Variants in AFP observed in about 807,000 individuals in gnomAD.
AFP encodes the protein alpha-fetoprotein.
Under a neutral mutation model 78.9 loss-of-function variants are expected in AFP, and 64 were observed. The ratio of observed to expected loss-of-function variants is 0.81; its 90% CI spans 0.66 to 1.00. The LOEUF (loss-of-function observed/expected upper bound fraction) is 1.00, where lower values mean the gene tolerates loss of function less well. Ranked by LOEUF, AFP falls within the 50% of genes least tolerant of loss-of-function variation. The pLI is 0.00. For missense variants in AFP, 689 were observed against 703.8 expected, an observed-to-expected ratio of 0.98 and a Z score of 0.24; for synonymous variants, 254 against 243.8, an observed-to-expected ratio of 1.04 and a Z score of -0.39.
chr4:73,450,351 A>G (rs1034012596), intron 10 of AFP, among the ~76,000 whole-genome samples: 1 of 152,146 alleles, frequency 6.6e-6, no homozygotes, highest in African/African-American at 2.4e-5. Context: ...AGTTAAAATC[A>G]ATGAAGCTCC....
intron 10 of AFP, 177 bp from the exon 11 acceptor site, chr4:73,450,438 G>C: frequency 1.2e-6 from 1 of 809,802 alleles, no homozygotes; most frequent in Non-Finnish European, 2.0e-6. Flanking sequence ...TAGGAGTACA[G>C]GGAGTGGTTG....
chr4:73,438,294 T>C lies in AFP; in HGVS notation c.258T>C (p.Cys86=). 6.2e-7 allele frequency: 1 copy of C among 1,612,858 alleles called. No individual in the cohort carries two copies. Among genetic ancestry groups the C allele is most frequent in the Non-Finnish European group, 8.5e-7 (1 of 1,179,230 alleles). ...CTGGAGATGAACAGTCTTCAGGGTG[T>C]TTAGAAAACCAGGTGAGTGAATAAT... The part of the protein sequence containing the change: ...KPTGDEQSSG[C]LENQLPAFLE... Residue 86 remains cysteine (C), a synonymous_variant, in exon 3 of 15, where the codon TGT becomes TGC. Transcript: ENST00000395792.
intron 6 of AFP, among the ~76,000 whole-genome samples, chr4:73,444,640 A>C (rs1456432980): frequency 6.6e-6 from 1 of 152,168 alleles, no homozygotes; most frequent in African/African-American, 2.4e-5. Context: ...ATTTTCATGG[A>C]ATTTTCCATT....
At chr4:73,450,204 T>G (rs746250410) in intron 10 of AFP, 71 bp downstream of exon 10, 89 of 1,245,382 alleles carry the variant, frequency 7.1e-5, no homozygotes, top group Non-Finnish European at 9.5e-5. Flanking sequence ...CCCATTCTCC[T>G]CCTTTGGAAG....
intron 9 of AFP, 96 bp downstream of exon 9, chr4:73,449,563 G>GT: frequency 5.0e-6 from 7 of 1,408,576 alleles, no homozygotes; most frequent in Non-Finnish European, 7.0e-6. Context: ...TTTTCAACTA[G>GT]TTGTTAGCCA....
At position 73,443,199 on chromosome 4, in the gene AFP, C is replaced by T. The variant is rs559156768; in HGVS notation, c.616-148C>T. 2.6e-4 allele frequency: 182 copies of T among 699,600 alleles called. No homozygotes were observed. The African/African-American group carries it at 2.6e-3, about 10-fold the overall frequency. 43.3% of individuals were successfully genotyped at this position (699,600 alleles called of 1,614,324 possible). ...GAATAAATGAGTCAATAATATTCTG[C>T]GATAATGTATGACATTTATAATTTT... is the stretch of plus-strand genomic sequence containing the variant. On this transcript the variant is annotated intron_variant, in intron 5 of 14. Coordinates refer to ENST00000395792, the MANE Select transcript of AFP (RefSeq NM_001134.3).
chr4:73,442,946 T>C (rs1001274097), intron 5 of AFP, among the ~76,000 whole-genome samples: 12 of 152,152 alleles, frequency 7.9e-5, no homozygotes, highest in Non-Finnish European at 7.4e-5. Context: ...CCAGCAGTCC[T>C]ATAACAAAAA....
intron 4 of AFP, among the ~76,000 whole-genome samples, chr4:73,441,796 T>C (rs1176760972): frequency 6.6e-6 from 1 of 152,176 alleles, no homozygotes; most frequent in South Asian, 2.1e-4. Context: ...AGCCTGTACG[T>C]AACTCTTCAT....
At chr4:73,438,106 C>T (rs143802252) in intron 2 of AFP, 68 bp from the exon 3 acceptor site, 2 of 1,590,486 alleles carry the variant, frequency 1.3e-6, no homozygotes, top group East Asian at 4.5e-5. Flanking sequence ...AAATGAAAAA[C>T]TATACTTGAG....
At chr4:73,452,031 T>C (rs1443029542) in intron 11 of AFP, among the ~76,000 whole-genome samples, 1 of 152,188 alleles carries the variant, frequency 6.6e-6, no homozygotes, top group Non-Finnish European at 1.5e-5. Context: ...AGATAGTGAT[T>C]ATCAAAAGAA....
chr4:73,441,363 G>A (rs1337075509), intron 4 of AFP, among the ~76,000 whole-genome samples: 1 of 151,536 alleles, frequency 6.6e-6, no homozygotes, highest in African/African-American at 2.4e-5. Flanking sequence ...TCAGGAGATC[G>A]AGACCATCCT....
chr4:73,437,069 C>G (rs1049330088), intron 1 of AFP, 91 bp from the exon 2 acceptor site: 1 of 991,908 alleles, frequency 1.0e-6, no homozygotes, highest in Admixed American at 1.8e-5. Context: ...CTGTACAGTT[C>G]TAACTGAAAC....
chr4:73,436,548 GATGA>G (rs1293160510), intron 1 of AFP, among the ~76,000 whole-genome samples: 2 of 151,600 alleles, frequency 1.3e-5, no homozygotes, highest in African/African-American at 2.4e-5. Context: ...GTGTTTAATG[GATGA>G]ATGGTTTGTA....
At chr4:73,441,075 T>C (rs914872820) in intron 4 of AFP, among the ~76,000 whole-genome samples, 1 of 152,116 alleles carries the variant, frequency 6.6e-6, no homozygotes, top group Non-Finnish European at 1.5e-5. Flanking sequence ...TATACACCTT[T>C]TTTTTTTCTT....
chr4:73,439,766 C>A (rs919215343), intron 3 of AFP, among the ~76,000 whole-genome samples: 1 of 151,972 alleles, frequency 6.6e-6, no homozygotes, highest in Non-Finnish European at 1.5e-5. Context: ...AACATTTTAG[C>A]TAAATATGTA....
chr4:73,443,639 T>C (rs1197924417), intron 6 of AFP, among the ~76,000 whole-genome samples, 195 bp downstream of exon 6: 8 of 152,160 alleles, frequency 5.3e-5, no homozygotes, highest in Non-Finnish European at 1.0e-4. Flanking sequence ...AGTTTAACAC[T>C]TACTAAAGCC....
Position 73,440,673 on chromosome 4 carries a change from C to T in AFP, c.342C>T (p.Cys114=), listed in dbSNP as rs969659100. The change falls in exon 4 of 15, where the codon TGC becomes TGT. Residue 114 remains cysteine, a synonymous_variant. Coordinates refer to ENST00000395792, the MANE Select transcript of AFP (RefSeq NM_001134.3). ...AGAAGTACGGACATTCAGACTGCTG[C>T]AGCCAAAGTGAAGAGGGAAGACATA... ...ILEKYGHSDC[C]SQSEEGRHNC... The T allele has an allele frequency of 1.9e-6, 3 of 1,614,170 alleles. No individual in the cohort carries two copies. The South Asian group carries it at 3.3e-5, about 18-fold the overall frequency.
In AFP at chr4:73,443,462, C is replaced by G. The variant is rs76378016; in HGVS notation, c.713+18C>G. ...CAAGCCATGTAAGTTCAAGTTCTAT[C>G]TAGGGAAGAGGGTGAGAGCTACAGA... On this transcript the variant is annotated intron_variant, in intron 6 of 14. Transcript: ENST00000395792. 765 of 1,568,262 alleles carry G rather than the reference C, an allele frequency of 4.9e-4. 4 individuals carry two copies. In the African/African-American group the frequency reaches 9.4e-3, roughly 19 times the overall value.
rs1720117833 is a variant in AFP, at chr4:73,455,118, A to C, written c.1786-118A>C. On this transcript the variant is annotated intron_variant, in intron 13 of 14. Transcript: ENST00000395792. Reference sequence around the variant, plus strand: ...GTTGGCATCAGAGATGTGTTTCTTCATTTTTAACTTAGTTAATCTACAAAC... The same window carrying C: ...GTTGGCATCAGAGATGTGTTTCTTCCTTTTTAACTTAGTTAATCTACAAAC... The C allele has an allele frequency of 3.6e-6, 3 of 829,094 alleles. No homozygotes were observed. The African/African-American group carries it at 5.1e-5, about 14-fold the overall frequency. 51.4% of individuals were successfully genotyped at this position (829,094 alleles called of 1,614,324 possible). A position where few individuals can be genotyped will look rare whatever the true frequency, so the allele number is the denominator to read the frequency against.
Sources: allele counts gnomAD v4.1 joint callset (sites outside exome capture counted in the v4.1 genomes callset), GRCh38; gene constraint gnomAD v4.1.1; transcripts MANE v1.5; gene names NCBI Gene and HGNC (gene_info 2026-07-23, HGNC 2026-07-21).